The following NDRG1 variants were observed in gnomAD, a reference collection of about 807,000 sequenced individuals.
NDRG1 encodes the protein protein NDRG1.
In NDRG1, 32 loss-of-function variants were observed where a neutral mutation model predicts 56.9. The observed-to-expected ratio is 0.56, with a 90% confidence interval of 0.42 to 0.76. The LOEUF (loss-of-function observed/expected upper bound fraction) is 0.76. Among genes scored for constraint, NDRG1 ranks in the 30% least tolerant of loss-of-function variants. NDRG1 has a pLI of 0.00. For synonymous variants in NDRG1, 211 were observed against 204.1 expected (o/e 1.03, Z -0.29); for missense variants, 507 against 545.7 (o/e 0.93, Z 0.71).
chr8:133,258,690 T>G (rs867322118), intron 6 of NDRG1, among the ~76,000 whole-genome samples: 4 of 152,230 alleles, frequency 2.6e-5, no homozygotes, highest in Non-Finnish European at 5.9e-5. Context: ...GGAAGGCCCG[T>G]TACGGCATCA....
intron 3 of NDRG1, among the ~76,000 whole-genome samples, chr8:133,276,660 G>A (rs992891802): frequency 7.2e-5 from 11 of 152,196 alleles, no homozygotes; most frequent in African/African-American, 2.4e-4. Flanking sequence ...CTTGCCTGCC[G>A]CCATGTAAGG....
intron 1 of NDRG1, among the ~76,000 whole-genome samples, chr8:133,294,335 C>A (rs1311674186): frequency 1.3e-5 from 2 of 152,166 alleles, no homozygotes; most frequent in African/African-American, 2.4e-5. Context: ...AACGTTCTTG[C>A]GAGGATGAAG....
intron 3 of NDRG1, among the ~76,000 whole-genome samples, chr8:133,277,215 A>G (rs1857498451): frequency 6.6e-6 from 1 of 152,208 alleles, no homozygotes; most frequent in Non-Finnish European, 1.5e-5. Flanking sequence ...TAGAAGGATG[A>G]CTGCCTAAAG....
intron 1 of NDRG1, among the ~76,000 whole-genome samples, chr8:133,289,315 G>A (rs1858301752): frequency 6.6e-6 from 1 of 152,112 alleles, no homozygotes; most frequent in Admixed American, 6.5e-5. Flanking sequence ...ATGGCATGGA[G>A]AATTAAGCAA....
At position 133,246,776 on chromosome 8, in the gene NDRG1, C is replaced by A. The variant is rs750650572; in HGVS notation, c.808-113G>T. 22 of 1,006,356 alleles carry A rather than the reference C, an allele frequency of 2.2e-5. No homozygotes were observed. The highest frequency in any genetic ancestry group is 3.2e-5 in the Non-Finnish European group (20 of 631,052). The allele number at this position is 1,006,356 out of a possible 1,614,324, so 62.3% of individuals were successfully genotyped here. A position where few individuals can be genotyped will look rare whatever the true frequency, so the allele number is the denominator to read the frequency against. ...CCAGAAACTCCAGTATTTCTGCTGGCAAAGAAGAAAGTATGTGGAGTTATT... is the reference window on the plus strand; with the variant it reads ...CCAGAAACTCCAGTATTTCTGCTGGAAAAGAAGAAAGTATGTGGAGTTATT... On this transcript the variant is annotated intron_variant, in intron 12 of 15. Transcript: ENST00000323851.
intron 15 of NDRG1, chr8:133,239,416 CCT>C (rs775432783): frequency 1.6e-5 from 9 of 571,430 alleles, no homozygotes; most frequent in Non-Finnish European, 2.2e-5. Context: ...AGAGTGTCCC[CCT>C]GAGCCTCCCT....
At chr8:133,251,047 A>G (rs1856002652) in intron 9 of NDRG1, among the ~76,000 whole-genome samples, 2 of 152,222 alleles carry the variant, frequency 1.3e-5, no homozygotes, top group Admixed American at 6.5e-5. Flanking sequence ...TCCAATGGGA[A>G]GAGCTGAAAA....
At chr8:133,266,405 G>A (rs1856921992) in intron 3 of NDRG1, among the ~76,000 whole-genome samples, 1 of 152,242 alleles carries the variant, frequency 6.6e-6, no homozygotes, top group South Asian at 2.1e-4. Flanking sequence ...TGGCAGCAGA[G>A]AGGAAGGTCA....
At chr8:133,261,657 G>C (rs1856664746) in intron 5 of NDRG1, among the ~76,000 whole-genome samples, 1 of 152,124 alleles carries the variant, frequency 6.6e-6, no homozygotes, top group Non-Finnish European at 1.5e-5. Flanking sequence ...CTATTTGGTG[G>C]TGTCAAGTCC....
At chr8:133,240,857 G>A (rs896795071) in intron 15 of NDRG1, 5 of 152,338 alleles carry the variant, frequency 3.3e-5, no homozygotes, top group East Asian at 1.9e-4. Flanking sequence ...GGACTGCCCC[G>A]CGGCTGTCTC....
Position 133,280,445 on chromosome 8 carries a change from ACGGAGT to A in NDRG1, c.64-184_64-179del, listed in dbSNP as rs1307715149. 2.8e-5 allele frequency among the ~76,000 whole-genome samples: 4 copies of A among 140,556 alleles called. No individual in the cohort carries two copies. The East Asian group carries it at 8.1e-4, about 29-fold the overall frequency. 92.2% of individuals were successfully genotyped at this position (140,556 alleles called of 152,430 possible). On this transcript the variant is annotated intron_variant, in intron 2 of 15. Transcript: ENST00000323851. Reference sequence around the variant, plus strand: ...TTTCTCTTTTTTTTTTTTTTTTGAGACGGAGTCTTGCTCTGTCGCCCAGGTTAGAGT... The same window carrying A: ...TTTCTCTTTTTTTTTTTTTTTTGAGACTTGCTCTGTCGCCCAGGTTAGAGT...
intron 2 of NDRG1, 43 bp downstream of exon 2, chr8:133,284,206 C>A (rs550828931): frequency 1.3e-6 from 2 of 1,586,944 alleles, no homozygotes; most frequent in East Asian, 2.2e-5. Context: ...TGTCTATGTG[C>A]ACATGTGCCT....
rs144323674 is a variant in NDRG1 at position 133,248,540 on chromosome 8, C to A, written c.755+175G>T. On this transcript the variant is annotated intron_variant, in intron 11 of 15. Transcript: ENST00000323851. ...GGGACACCCTAGAAACGGATGCCAC[C>A]GGCACAGGGAGAAGTCCAAGTCAGG... 5.4e-3 allele frequency among the ~76,000 whole-genome samples: 823 copies of A among 152,316 alleles called. 5 individuals are homozygous for A. The highest frequency in any genetic ancestry group is 0.019 in the African/African-American group (772 of 41,578).
chr8:133,258,343 T>C, intron 7 of NDRG1, 23 bp downstream of exon 7: 1 of 1,604,494 alleles, frequency 6.2e-7, no homozygotes. Flanking sequence ...AATGCGATTT[T>C]CAAAAAATGC....
intron 4 of NDRG1, among the ~76,000 whole-genome samples, chr8:133,264,219 G>A (rs2130742047): frequency 6.6e-6 from 1 of 152,306 alleles, no homozygotes; most frequent in African/African-American, 2.4e-5. Flanking sequence ...TTGGAAGGAT[G>A]AAAATGTTCC....
chr8:133,261,817 C>T (rs1856672294), intron 5 of NDRG1, among the ~76,000 whole-genome samples: 1 of 152,194 alleles, frequency 6.6e-6, no homozygotes, highest in African/African-American at 2.4e-5. Context: ...GTGGTGACGG[C>T]TGCACAACAA....
intron 6 of NDRG1, among the ~76,000 whole-genome samples, chr8:133,258,785 T>C (rs1008394552): frequency 3.3e-5 from 5 of 152,180 alleles, no homozygotes; most frequent in Admixed American, 6.5e-5. Flanking sequence ...TTATCATTCT[T>C]TGAAGAGCTC....
At chr8:133,277,745 T>C (rs573679841) in intron 3 of NDRG1, among the ~76,000 whole-genome samples, 9 of 152,330 alleles carry the variant, frequency 5.9e-5, no homozygotes, top group African/African-American at 1.9e-4. Flanking sequence ...CACTCCATGA[T>C]AGTTAGTGGA....
chr8:133,283,971 G>A (rs1857955538), intron 2 of NDRG1, among the ~76,000 whole-genome samples: 1 of 152,240 alleles, frequency 6.6e-6, no homozygotes, highest in South Asian at 2.1e-4. Context: ...AAGTGGGCAA[G>A]GGGCCCAGCC....
Sources: gnomAD v4.1 joint callset for allele counts (sites outside exome capture counted in the v4.1 genomes callset) on GRCh38, gnomAD v4.1.1 for gene constraint, MANE v1.5 for transcripts, NCBI Gene and HGNC (gene_info 2026-07-23, HGNC 2026-07-21) for gene names.